The following RHBDL2 variants were observed in gnomAD, a reference collection of about 807,000 sequenced individuals.
The protein encoded by RHBDL2 is rhomboid like 2, also known as rhomboid-related protein 2.
Under a neutral mutation model 31.7 loss-of-function variants are expected in RHBDL2, and 26 were observed. The ratio of observed to expected loss-of-function variants is 0.82; its 90% CI spans 0.60 to 1.14. RHBDL2 has a LOEUF of 1.14. Ranked by LOEUF, RHBDL2 falls within the 50% of genes most tolerant of loss-of-function variation. RHBDL2 has a pLI of 0.00. For synonymous variants in RHBDL2, 123 were observed against 127.2 expected (o/e 0.97, Z 0.22); for missense variants, 336 against 364.4 (o/e 0.92, Z 0.63).
chr1:38,920,133 G>A (rs1643291432), intron 1 of RHBDL2, among the ~76,000 whole-genome samples: 1 of 150,382 alleles, frequency 6.6e-6, no homozygotes, highest in African/African-American at 2.4e-5. Context: ...TCCAGTATGT[G>A]GCCTTTTGTG....
chr1:38,938,365 T>C (rs1321355584), intron 1 of RHBDL2, among the ~76,000 whole-genome samples: 2 of 152,166 alleles, frequency 1.3e-5, no homozygotes, highest in African/African-American at 4.8e-5. Flanking sequence ...CCTAGATTCC[T>C]TAACGAGGCA....
chr1:38,928,566 C>T (rs903650933), intron 1 of RHBDL2, among the ~76,000 whole-genome samples: 3 of 151,980 alleles, frequency 2.0e-5, no homozygotes, highest in Admixed American at 1.3e-4. Context: ...CCTGCCTCAC[C>T]CTCCCGAGTA....
intron 3 of RHBDL2, among the ~76,000 whole-genome samples, chr1:38,914,297 A>AGT (rs1339283075): frequency 1.3e-5 from 2 of 151,642 alleles, no homozygotes; most frequent in African/African-American, 2.4e-5. Flanking sequence ...TCTAGAATGC[A>AGT]GTGGCGCGAT....
chr1:38,931,470 C>A lies in RHBDL2; in HGVS notation c.-126+10212G>T, dbSNP rs113631770. On this transcript the variant is annotated intron_variant, in intron 1 of 7. Coordinates refer to ENST00000372990, the MANE Select transcript of RHBDL2 (RefSeq NM_017821.5). Reference sequence around the variant, plus strand: ...CAGGAAGGCAGAGCTTGCAGTAAGCCGAGATCACGCCACTGCACTCCAGCC... The same window carrying A: ...CAGGAAGGCAGAGCTTGCAGTAAGCAGAGATCACGCCACTGCACTCCAGCC... Among the ~76,000 whole-genome samples, 717 of 151,414 alleles carry A rather than the reference C, an allele frequency of 4.7e-3. 7 individuals are homozygous for A. The highest frequency in any genetic ancestry group is 0.016 in the African/African-American group (678 of 41,274).
rs571056112 is a variant in RHBDL2 at position 38,939,791 on chromosome 1, C to G, written c.-126+1891G>C. On this transcript the variant is annotated intron_variant, in intron 1 of 7. Transcript: ENST00000372990. ...TCCTGGACTCAAGCAATTCTCCCAC[C>G]TTGGCCTCCTAAAGTGCTGGGATTA... Among the ~76,000 whole-genome samples, 7 of 152,282 alleles carry G rather than the reference C, an allele frequency of 4.6e-5. 1 individual carries two copies. The South Asian group carries it at 8.3e-4, about 18-fold the overall frequency.
chr1:38,897,394 C>T (rs1642932497), intron 4 of RHBDL2, among the ~76,000 whole-genome samples: 2 of 152,068 alleles, frequency 1.3e-5, no homozygotes, highest in African/African-American at 4.8e-5. Flanking sequence ...GCCATTGCGC[C>T]CGGCCTAAAC....
intron 1 of RHBDL2, among the ~76,000 whole-genome samples, chr1:38,920,317 G>A (rs1215031254): frequency 2.7e-5 from 4 of 150,924 alleles, no homozygotes; most frequent in South Asian, 2.1e-4. Flanking sequence ...ATGGGCACCC[G>A]GCACCACACC....
rs536137635 is a variant in RHBDL2 at position 38,888,487 on chromosome 1, G to A, written c.671-463C>T. ...CAGTTGTCGAGTGTGATTTCCAATA[G>A]GGGTGTCAAGGAGGATCTCTTTGAG... On this transcript the variant is annotated intron_variant, in intron 6 of 7. Transcript: ENST00000372990. Among the ~76,000 whole-genome samples, 26 of 152,296 alleles carry A rather than the reference G, an allele frequency of 1.7e-4. No individual in the cohort carries two copies. The South Asian group carries it at 5.4e-3, about 32-fold the overall frequency.
At chr1:38,929,409 C>T (rs1299138847) in intron 1 of RHBDL2, 9 of 1,289,336 alleles carry the variant, frequency 7.0e-6, no homozygotes, top group Non-Finnish European at 9.1e-6. Flanking sequence ...CCTTCTTCGC[C>T]TCACCCAGGA....
Position 38,885,876 on chromosome 1 carries a change from A to G in RHBDL2, c.*628T>C, listed in dbSNP as rs2124294836. On this transcript the variant is annotated 3_prime_UTR_variant, in exon 8 of 8. Transcript: ENST00000372990. ...GATTTTATGAAGCATTCTCCAAAAT[A>G]TATCCTCCAAGGAGAGTAAGTCTGT... is the stretch of plus-strand genomic sequence containing the variant. 6.5e-6 allele frequency: 1 copy of G among 152,786 alleles called. No homozygotes were observed. Among genetic ancestry groups the G allele is most frequent in the Non-Finnish European group, 1.5e-5 (1 of 68,040 alleles). The allele number at this position is 152,786 out of a possible 1,614,324, so 9.5% of individuals were successfully genotyped here.
At chr1:38,929,717 C>T (rs1235374684) in intron 1 of RHBDL2, 14 of 313,856 alleles carry the variant, frequency 4.5e-5, no homozygotes, top group African/African-American at 6.8e-5. Flanking sequence ...TGTTGCTAGG[C>T]GCCTGGGTAA....
intron 1 of RHBDL2, chr1:38,929,319 T>C: frequency 1.9e-6 from 2 of 1,074,076 alleles, no homozygotes; most frequent in Non-Finnish European, 2.5e-6. Context: ...CGACGAGGAC[T>C]CTAGGTGGAC....
intron 1 of RHBDL2, chr1:38,926,998 A>T (rs1032261334): frequency 4.6e-5 from 7 of 151,496 alleles, no homozygotes; most frequent in African/African-American, 1.7e-4. Flanking sequence ...ATTTTTTTAA[A>T]AATGTTTTTT....
chr1:38,886,454 TA>T lies in RHBDL2; in HGVS notation c.*49del. 1.5e-6 allele frequency: 2 copies of T among 1,337,098 alleles called. No individual in the cohort carries two copies. The highest frequency in any genetic ancestry group is 2.0e-6 in the Non-Finnish European group (2 of 995,826). 82.8% of individuals were successfully genotyped at this position (1,337,098 alleles called of 1,614,324 possible). A position where few individuals can be genotyped will look rare whatever the true frequency, so the allele number is the denominator to read the frequency against. On this transcript the variant is annotated 3_prime_UTR_variant, in exon 8 of 8. Transcript: ENST00000372990. Reference sequence around the variant, plus strand: ...CTTCATAGAGTCTTCCTTTTTTTTTTATTTCCTCCAGATGGCTCTTTTTATT... The same window carrying T: ...CTTCATAGAGTCTTCCTTTTTTTTTTTTTCCTCCAGATGGCTCTTTTTATT...
chr1:38,917,168 C>T (rs1378249816), intron 2 of RHBDL2, among the ~76,000 whole-genome samples: 1 of 151,462 alleles, frequency 6.6e-6, no homozygotes, highest in Admixed American at 6.6e-5. Context: ...CAGGTGCCCG[C>T]CACCATGCCC....
intron 5 of RHBDL2, among the ~76,000 whole-genome samples, chr1:38,894,963 C>T (rs1325213448): frequency 6.6e-6 from 1 of 152,106 alleles, no homozygotes; most frequent in Non-Finnish European, 1.5e-5. Context: ...CCTTGGCCTC[C>T]CACAGTGTTG....
chr1:38,892,040 A>G (rs1314434130), intron 6 of RHBDL2, among the ~76,000 whole-genome samples: 1 of 152,000 alleles, frequency 6.6e-6, no homozygotes, highest in African/African-American at 2.4e-5. Context: ...TTACTCTCAG[A>G]CTCAGCTGCA....
intron 4 of RHBDL2, among the ~76,000 whole-genome samples, chr1:38,908,792 T>TA (rs1480790856): frequency 6.6e-6 from 1 of 152,144 alleles, no homozygotes; most frequent in Non-Finnish European, 1.5e-5. Flanking sequence ...TGGCTTCTGT[T>TA]AGTCAGCTCA....
intron 4 of RHBDL2, among the ~76,000 whole-genome samples, chr1:38,903,790 C>T (rs940226544): frequency 6.6e-6 from 1 of 152,060 alleles, no homozygotes; most frequent in African/African-American, 2.4e-5. Flanking sequence ...GGAGTGCTAG[C>T]CCTTCCTGAT....
Sources: allele counts gnomAD v4.1 joint callset (sites outside exome capture counted in the v4.1 genomes callset), GRCh38; gene constraint gnomAD v4.1.1; transcripts MANE v1.5; gene names NCBI Gene and HGNC (gene_info 2026-07-23, HGNC 2026-07-21).